SREBF2: variants seen among roughly 807,000 people sequenced by gnomAD.
SREBF2 encodes sterol regulatory element binding transcription factor 2.
A neutral mutation model predicts 113.1 loss-of-function variants in SREBF2; 55 were observed. That is an observed-to-expected ratio of 0.49 (90% CI 0.39 to 0.61). The LOEUF is 0.61. Among genes scored for constraint, SREBF2 ranks in the 20% least tolerant of loss-of-function variants. SREBF2 has a pLI of 0.00. For synonymous variants in SREBF2, 593 were observed against 605.7 expected, an observed-to-expected ratio of 0.98 and a Z score of 0.31; for missense variants, 1,349 against 1,487.4, an observed-to-expected ratio of 0.91 and a Z score of 1.53.
At chr22:41,841,553 C>T (rs1409812407) in intron 1 of SREBF2, among the ~76,000 whole-genome samples, 1 of 152,192 alleles carries the variant, frequency 6.6e-6, no homozygotes, top group Non-Finnish European at 1.5e-5. Flanking sequence ...GCCTAATGTT[C>T]TTGAATGCTG....
At chr22:41,868,845 C>T in intron 3 of SREBF2, 53 bp downstream of exon 3, 1 of 1,557,476 alleles carries the variant, frequency 6.4e-7, no homozygotes. Flanking sequence ...GTTAACTGGT[C>T]CTTGGTTGAA....
intron 13 of SREBF2, among the ~76,000 whole-genome samples, chr22:41,896,309 G>C (rs1197568772): frequency 1.3e-5 from 2 of 152,120 alleles, no homozygotes; most frequent in African/African-American, 2.4e-5. Flanking sequence ...AGTAAGACCT[G>C]AGAGGCAGAT....
rs149249493 is a variant in SREBF2, at chr22:41,882,301, A to G, written c.2038+1309A>G. Among the ~76,000 whole-genome samples the G allele has an allele frequency of 1.9e-3, 288 of 152,256 alleles. 2 individuals carry two copies. The highest frequency in any genetic ancestry group is 0.017 in the Middle Eastern group (5 of 294). ...TGGGTGAGCGATGGTGCCACCAACA[A>G]AGGTAAAGAAAATAGAAGGAAGAGC... On this transcript the variant is annotated intron_variant, in intron 10 of 18. Coordinates refer to ENST00000361204, the MANE Select transcript of SREBF2 (RefSeq NM_004599.4).
intron 5 of SREBF2, among the ~76,000 whole-genome samples, chr22:41,874,463 T>G (rs1390715564): frequency 1.3e-5 from 2 of 152,260 alleles, no homozygotes; most frequent in Admixed American, 6.5e-5. Flanking sequence ...TTCCAAATGT[T>G]TCTGGTGTTT....
chr22:41,862,466 G>A (rs1456903624), intron 1 of SREBF2, among the ~76,000 whole-genome samples: 1 of 152,216 alleles, frequency 6.6e-6, no homozygotes, highest in Non-Finnish European at 1.5e-5. Flanking sequence ...TGGGAGGCCT[G>A]TCTCTGGCCC....
chr22:41,884,350 T>C (rs2077279137), intron 10 of SREBF2, among the ~76,000 whole-genome samples: 1 of 152,252 alleles, frequency 6.6e-6, no homozygotes, highest in Non-Finnish European at 1.5e-5. Context: ...TTTGCCAGGC[T>C]GGTCTCGAAC....
rs182687107 is a variant in SREBF2, at chr22:41,869,464, G to T, written c.720+672G>T. Among the ~76,000 whole-genome samples, 55 of 147,758 alleles carry T rather than the reference G, an allele frequency of 3.7e-4. 1 individual carries two copies. The South Asian group carries it at 0.012, about 31-fold the overall frequency. ...ATATATTGGGTTGGGGGGAGGGGGG[G>T]CATGTATTATTAATCTTTTTTTTAA... On this transcript the variant is annotated intron_variant, in intron 3 of 18. Transcript: ENST00000361204.
intron 1 of SREBF2, among the ~76,000 whole-genome samples, chr22:41,837,126 C>G (rs1208013588): frequency 6.6e-5 from 10 of 152,088 alleles, no homozygotes; most frequent in Admixed American, 6.6e-4. Flanking sequence ...GCACTGTGAG[C>G]AAAATAAAAT....
chr22:41,838,262 GA>G (rs1345911420), intron 1 of SREBF2, among the ~76,000 whole-genome samples: 1 of 152,198 alleles, frequency 6.6e-6, no homozygotes, highest in Admixed American at 6.5e-5. Flanking sequence ...CTTTGGAAAT[GA>G]AAGTTTACTA....
chr22:41,854,034 CAAAAAA>C (rs1211599087), intron 1 of SREBF2, among the ~76,000 whole-genome samples: 1 of 70,682 alleles, frequency 1.4e-5, no homozygotes, highest in Non-Finnish European at 2.9e-5. Context: ...GACTCCATCT[CAAAAAA>C]AAAAAAAAAA....
intron 17 of SREBF2, 153 bp from the exon 18 acceptor site, chr22:41,904,710 A>C (rs2077491111): frequency 1.4e-6 from 1 of 727,702 alleles, no homozygotes; most frequent in Non-Finnish European, 2.5e-6. Context: ...AGAGTACGGG[A>C]CAACAGAGGT....
At chr22:41,850,814 C>T (rs1431375631) in intron 1 of SREBF2, among the ~76,000 whole-genome samples, 1 of 152,126 alleles carries the variant, frequency 6.6e-6, no homozygotes, top group Non-Finnish European at 1.5e-5. Context: ...GATCTTGGCT[C>T]ACTGCAACCT....
intron 1 of SREBF2, among the ~76,000 whole-genome samples, chr22:41,843,229 C>T (rs996030554): frequency 6.6e-6 from 1 of 152,200 alleles, no homozygotes; most frequent in South Asian, 2.1e-4. Flanking sequence ...TCATCCTGTT[C>T]TTTATTAGTT....
At position 41,900,138 on chromosome 22, in the gene SREBF2, G is replaced by A. The variant is rs60790507; in HGVS notation, c.2739-192G>A. The A allele has an allele frequency of 5.7e-3, 8,399 of 1,485,054 alleles. 389 individuals are homozygous for A. In the African/African-American group the frequency reaches 0.1, roughly 18 times the overall value. 92.0% of individuals were successfully genotyped at this position (1,485,054 alleles called of 1,614,324 possible). The stretch of plus-strand genomic sequence containing the variant: ...TTGAATGAAGGTGCTAAAGGGTGGG[G>A]CGCTAACCCTAGCTCAGGGCTGGCA... On this transcript the variant is annotated intron_variant, in intron 15 of 18. Transcript: ENST00000361204.
At position 41,845,391 on chromosome 22, in the gene SREBF2, G is replaced by A. The variant is rs368661167; in HGVS notation, c.88+12033G>A. 5.9e-4 allele frequency among the ~76,000 whole-genome samples: 90 copies of A among 152,310 alleles called. 2 individuals carry two copies. The South Asian group carries it at 0.018, about 30-fold the overall frequency. On this transcript the variant is annotated intron_variant, in intron 1 of 18. Coordinates refer to ENST00000361204, the MANE Select transcript of SREBF2 (RefSeq NM_004599.4). ...TCGCTGTCCTATGAAAATGAGGTGGGAGATGCCTTGATTCAGGAAGCCTGT... is the reference window on the plus strand; with the variant it reads ...TCGCTGTCCTATGAAAATGAGGTGGAAGATGCCTTGATTCAGGAAGCCTGT...
intron 11 of SREBF2, among the ~76,000 whole-genome samples, 195 bp from the exon 12 acceptor site, chr22:41,892,922 C>T (rs2077378214): frequency 1.3e-5 from 2 of 152,200 alleles, no homozygotes; most frequent in African/African-American, 2.4e-5. Flanking sequence ...AAGTCCAGCA[C>T]ACTCTACTGG....
At position 41,833,931 on chromosome 22, in the gene SREBF2, G is replaced by T. The variant is rs2076743251; in HGVS notation, c.88+573G>T. 6.5e-6 allele frequency: 1 copy of T among 152,780 alleles called. No homozygotes were observed. The highest frequency in any genetic ancestry group is 2.1e-4 in the South Asian group (1 of 4,848). The allele number at this position is 152,780 out of a possible 1,614,324, so 9.5% of individuals were successfully genotyped here. A position where few individuals can be genotyped will look rare whatever the true frequency, so the allele number is the denominator to read the frequency against. On this transcript the variant is annotated intron_variant, in intron 1 of 18. Transcript: ENST00000361204. The surrounding 1 kb of genome is among the most constrained non-coding windows in gnomAD (Gnocchi z 4.1). ...TGATGAAGAGAGCAGTGGCGGCGGA[G>T]TGTGGACACATCTCTCCGGGATGGA...
rs1289953923 is a variant in SREBF2, at chr22:41,900,472, G to A, written c.2881G>A (p.Ala961Thr). The A allele has an allele frequency of 1.2e-6, 2 of 1,613,588 alleles. No homozygotes were observed. Among genetic ancestry groups the A allele is most frequent in the Non-Finnish European group, 1.7e-6 (2 of 1,179,992 alleles). ...HLWSSLNVSGATSDPALNHVV... is the reference protein window; with the variant it reads ...HLWSSLNVSGTTSDPALNHVV... ...ATGGAGCAGCCTCAACGTCAGTGGGGCCACCTCTGACCCTGCCCTCAACCA... is the reference window on the plus strand; with the variant it reads ...ATGGAGCAGCCTCAACGTCAGTGGGACCACCTCTGACCCTGCCCTCAACCA... Residue 961 changes from alanine (A) to threonine (T), a missense_variant, in exon 16 of 19, where the codon GCC becomes ACC. By Grantham distance (58) the Ala-to-Thr change is moderately conservative. This residue lies in a region of SREBF2 where 650 missense variants were observed against 644.1 expected (regional missense o/e 1.01). Transcript: ENST00000361204.
rs375591224 is a variant in SREBF2, at chr22:41,900,316, T to C, written c.2739-14T>C. The C allele has an allele frequency of 6.8e-6, 11 of 1,611,520 alleles. No homozygotes were observed. The Admixed American group carries it at 1.2e-4, about 17-fold the overall frequency. ...CATAGTGACCTGCCTCTCGACTCCCTGTCACTGCTGCAGGAGCCCCCTGGT... is the reference window on the plus strand; with the variant it reads ...CATAGTGACCTGCCTCTCGACTCCCCGTCACTGCTGCAGGAGCCCCCTGGT... On this transcript the variant is annotated splice_polypyrimidine_tract_variant and intron_variant, in intron 15 of 18. Coordinates refer to ENST00000361204, the MANE Select transcript of SREBF2 (RefSeq NM_004599.4).
Sources: gnomAD v4.1 joint callset for allele counts (sites outside exome capture counted in the v4.1 genomes callset) on GRCh38, gnomAD v4.1.1 for gene constraint, gnomAD v4.1.1 regional missense constraint, Gnocchi (gnomAD v3.1) non-coding constraint, MANE v1.5 for transcripts, NCBI Gene and HGNC (gene_info 2026-07-23, HGNC 2026-07-21) for gene names.